CD276: variants seen among roughly 807,000 people sequenced by gnomAD.
CD276 encodes CD276 antigen.
In CD276, 34 loss-of-function variants were observed where a neutral mutation model predicts 50.0. That is an observed-to-expected ratio of 0.68 (90% confidence interval 0.52 to 0.91). The LOEUF (loss-of-function observed/expected upper bound fraction) is 0.91. Ranked by LOEUF, CD276 falls within the 40% of genes least tolerant of loss-of-function variation. CD276 has a pLI of 0.00. For missense variants in CD276, 634 were observed against 717.5 expected (o/e 0.88, Z 1.33); for synonymous variants, 275 against 313.0 (o/e 0.88, Z 1.28).
chr15:73,703,538 AG>A, intron 4 of CD276, 120 bp from the exon 5 acceptor site: 1 of 811,878 alleles, frequency 1.2e-6, no homozygotes, highest in African/African-American at 1.7e-5. Flanking sequence ...GCATCTAAGA[AG>A]AAAATAGGAA....
chr15:73,712,758 C>G (rs953188048), intron 9 of CD276, among the ~76,000 whole-genome samples, 176 bp from the exon 10 acceptor site: 2 of 152,212 alleles, frequency 1.3e-5, no homozygotes, highest in African/African-American at 2.4e-5. Flanking sequence ...GCATCTGTGT[C>G]TGGGCCTCCA....
At chr15:73,701,858 T>G (rs1030182579) in intron 2 of CD276, among the ~76,000 whole-genome samples, 1 of 152,250 alleles carries the variant, frequency 6.6e-6, no homozygotes, top group Non-Finnish European at 1.5e-5. Context: ...CATGGGGAAA[T>G]GCACATGGTG....
intron 6 of CD276, among the ~76,000 whole-genome samples, chr15:73,706,065 C>T (rs1900639469): frequency 6.6e-6 from 1 of 152,096 alleles, no homozygotes; most frequent in East Asian, 1.9e-4. Flanking sequence ...GCCTGATCAG[C>T]ATGGTGAAAC....
rs1484208086 is a variant in CD276, at chr15:73,684,397, T to A, written c.-118T>A. On this transcript the variant is annotated 5_prime_UTR_variant, in exon 1 of 10. Transcript: ENST00000318443. ...CCCCGGCCCCCATTCGGGCCGGGCC[T>A]CGCTGCGGCGGCGACTGAGCCAGGC... The A allele has an allele frequency of 6.6e-6, 1 of 151,438 alleles. No individual in the cohort carries two copies. Among genetic ancestry groups the A allele is most frequent in the Non-Finnish European group, 1.5e-5 (1 of 67,850 alleles). The allele number at this position is 151,438 out of a possible 1,614,324, so 9.4% of individuals were successfully genotyped here.
rs1394248689 is a variant in CD276 at position 73,708,445 on chromosome 15, C to T, written c.1476C>T (p.Ile492=). 1 of 1,613,596 alleles carries T rather than the reference C, an allele frequency of 6.2e-7. No individual in the cohort carries two copies. The highest frequency in any genetic ancestry group is 1.7e-5 in the Admixed American group (1 of 59,964). ...VALAFVCWRK[I]KQSCEEENAG... Reference sequence around the variant, plus strand: ...TGGCTTTCGTGTGCTGGAGAAAGATCAAACAGAGCTGTGAGGAGGAGAATG... The same window carrying T: ...TGGCTTTCGTGTGCTGGAGAAAGATTAAACAGAGCTGTGAGGAGGAGAATG... Residue 492 remains isoleucine (I), a synonymous_variant, in exon 7 of 10, where the codon ATC becomes ATT. Coordinates refer to ENST00000318443, the MANE Select transcript of CD276 (RefSeq NM_001024736.2).
intron 1 of CD276, among the ~76,000 whole-genome samples, chr15:73,694,157 T>A (rs1900085288): frequency 6.6e-6 from 1 of 152,190 alleles, no homozygotes; most frequent in African/African-American, 2.4e-5. Flanking sequence ...CTCCACGTGC[T>A]TCATCTCCAG....
chr15:73,708,177 G>A (rs1387768949), intron 6 of CD276, among the ~76,000 whole-genome samples, 162 bp from the exon 7 acceptor site: 1 of 152,226 alleles, frequency 6.6e-6, no homozygotes, highest in Non-Finnish European at 1.5e-5. Context: ...AGGGTTTGGG[G>A]AGTGTATGGC....
chr15:73,694,437 G>A (rs899097368), intron 1 of CD276, among the ~76,000 whole-genome samples: 3 of 151,956 alleles, frequency 2.0e-5, no homozygotes, highest in Admixed American at 6.5e-5. Context: ...GGAAGAGAAG[G>A]AGGGAAAGTA....
At chr15:73,686,012 C>T (rs866243996) in intron 1 of CD276, among the ~76,000 whole-genome samples, 1 of 152,164 alleles carries the variant, frequency 6.6e-6, no homozygotes, top group Admixed American at 6.5e-5. Flanking sequence ...AATTTACATA[C>T]GTCACCGTCA....
chr15:73,705,217 C>T (rs1900602565), intron 6 of CD276, among the ~76,000 whole-genome samples: 2 of 152,212 alleles, frequency 1.3e-5, no homozygotes, highest in South Asian at 4.1e-4. Context: ...GCCAACTGAG[C>T]TTTCCCAGGG....
chr15:73,711,704 C>T (rs1900909340), intron 9 of CD276: 1 of 156,598 alleles, frequency 6.4e-6, no homozygotes, highest in African/African-American at 2.4e-5. Flanking sequence ...AGCCATGTCC[C>T]TGGCGCACAG....
chr15:73,713,313 CT>C lies in CD276; in HGVS notation c.*363del. 9.8e-6 allele frequency: 3 copies of C among 305,758 alleles called. No homozygotes were observed. Among genetic ancestry groups the C allele is most frequent in the Non-Finnish European group, 1.8e-5 (3 of 165,914 alleles). 18.9% of individuals were successfully genotyped at this position (305,758 alleles called of 1,614,324 possible). ...AGTGCTGCGTGGACCATCTGGCTGC[CT>C]TTTTTCTCCAAAAGATGCAATATTC... On this transcript the variant is annotated 3_prime_UTR_variant, in exon 10 of 10. Transcript: ENST00000318443.
Position 73,702,488 on chromosome 15 carries a change from G to A in CD276, c.313G>A (p.Ala105Thr), listed in dbSNP as rs751833994. 1.5e-5 allele frequency: 24 copies of A among 1,613,402 alleles called. No individual in the cohort carries two copies. The highest frequency in any genetic ancestry group is 3.3e-5 in the Admixed American group (2 of 60,004). The change falls in exon 3 of 10, where the codon GCA becomes ACA. Residue 105 changes from alanine (A) to threonine (T), a missense_variant. Physicochemically the swap from Ala to Thr is moderately conservative, Grantham distance 58. Coordinates refer to ENST00000318443, the MANE Select transcript of CD276 (RefSeq NM_001024736.2). ...CCCGGACCTGCTGGCACAGGGCAACGCATCCCTGAGGCTGCAGCGCGTGCG... is the reference window on the plus strand; with the variant it reads ...CCCGGACCTGCTGGCACAGGGCAACACATCCCTGAGGCTGCAGCGCGTGCG... ...LFPDLLAQGN[A>T]SLRLQRVRVA...
At chr15:73,707,050 G>A (rs953066332) in intron 6 of CD276, among the ~76,000 whole-genome samples, 2 of 152,236 alleles carry the variant, frequency 1.3e-5, no homozygotes, top group African/African-American at 4.8e-5. Context: ...CATCACTGGG[G>A]TGATGGATCC....
intron 1 of CD276, among the ~76,000 whole-genome samples, chr15:73,689,123 C>T (rs1189482846): frequency 6.6e-6 from 1 of 151,804 alleles, no homozygotes; most frequent in Non-Finnish European, 1.5e-5. Context: ...GTTGCCATCC[C>T]TTCTTTTGGC....
chr15:73,700,022 G>A (rs1427607658), intron 2 of CD276, among the ~76,000 whole-genome samples: 1 of 152,102 alleles, frequency 6.6e-6, no homozygotes, highest in Non-Finnish European at 1.5e-5. Context: ...GCCCCTAAAC[G>A]TCTGCATGAC....
At chr15:73,690,578 G>C (rs576072213) in intron 1 of CD276, 1 of 413,044 alleles carries the variant, frequency 2.4e-6, no homozygotes, top group African/African-American at 2.0e-5. Context: ...GCATGTGAGC[G>C]TGCAGTACAG....
At chr15:73,699,866 C>T (rs2084087869) in intron 2 of CD276, 148 bp downstream of exon 2, 6 of 870,066 alleles carry the variant, frequency 6.9e-6, no homozygotes, top group Non-Finnish European at 1.0e-5. Flanking sequence ...CAGTAGGCAA[C>T]TCACGTTACT....
intron 6 of CD276, among the ~76,000 whole-genome samples, chr15:73,706,424 T>A (rs562269242): frequency 5.9e-5 from 9 of 152,186 alleles, no homozygotes; most frequent in African/African-American, 2.2e-4. Flanking sequence ...ATTGGATAAA[T>A]GATCAATGCA....
Sources: allele counts gnomAD v4.1 joint callset (sites outside exome capture counted in the v4.1 genomes callset), GRCh38; gene constraint gnomAD v4.1.1; transcripts MANE v1.5; gene names NCBI Gene and HGNC (gene_info 2026-07-23, HGNC 2026-07-21).